The following DYNC2H1 variants were observed in gnomAD, a reference collection of about 807,000 sequenced individuals.
DYNC2H1 encodes the protein dynein cytoplasmic 2 heavy chain 1.
DYNC2H1 carries 410 observed loss-of-function variants against 570.0 expected under a neutral mutation model. The observed-to-expected ratio is 0.72, with a 90% CI of 0.66 to 0.78. The LOEUF (loss-of-function observed/expected upper bound fraction) is 0.78, where lower values mean the gene tolerates loss of function less well. DYNC2H1 is among the 30% of genes least tolerant of loss of function. The pLI is 0.00. For missense variants in DYNC2H1, 4,865 were observed against 5,046.4 expected (o/e 0.96, Z 1.09); for synonymous variants, 1,688 against 1,677.6 (o/e 1.01, Z -0.15).
At chr11:103,232,030 A>G (rs935418566) in intron 60 of DYNC2H1, among the ~76,000 whole-genome samples, 1 of 152,036 alleles carries the variant, frequency 6.6e-6, no homozygotes, top group Admixed American at 6.6e-5. Flanking sequence ...TTAGAAATAT[A>G]GGAAATAATT....
intron 82 of DYNC2H1, among the ~76,000 whole-genome samples, chr11:103,332,336 C>T (rs917208088): frequency 7.6e-6 from 1 of 132,026 alleles, no homozygotes; most frequent in Non-Finnish European, 1.6e-5. Flanking sequence ...AAAAATAGAA[C>T]AAAGCATCCA....
At chr11:103,380,906 A>G (rs1168678162) in intron 83 of DYNC2H1, among the ~76,000 whole-genome samples, 2 of 152,200 alleles carry the variant, frequency 1.3e-5, no homozygotes, top group African/African-American at 4.8e-5. Flanking sequence ...ATACCAGGGA[A>G]AAGGAAATAC....
At chr11:103,265,677 A>G (rs1330221199) in intron 70 of DYNC2H1, among the ~76,000 whole-genome samples, 1 of 152,034 alleles carries the variant, frequency 6.6e-6, no homozygotes, top group Non-Finnish European at 1.5e-5. Context: ...CTGTCATTTC[A>G]GCCATCTCAA....
chr11:103,113,476 T>C, intron 1 of DYNC2H1, 61 bp from the exon 2 acceptor site: 1 of 1,345,866 alleles, frequency 7.4e-7, no homozygotes. Context: ...GAACTTTGTC[T>C]ACATTTTTTT....
chr11:103,380,454 A>C (rs1941596448), intron 83 of DYNC2H1, among the ~76,000 whole-genome samples: 1 of 152,226 alleles, frequency 6.6e-6, no homozygotes, highest in South Asian at 2.1e-4. Context: ...CACACAAAAA[A>C]AGAGTACAGG....
At chr11:103,411,973 G>T (rs569396052) in intron 84 of DYNC2H1, among the ~76,000 whole-genome samples, 1 of 152,064 alleles carries the variant, frequency 6.6e-6, no homozygotes, top group African/African-American at 2.4e-5. Context: ...TTTAAATTCT[G>T]TCACAGGTGG....
intron 84 of DYNC2H1, chr11:103,406,973 T>C (rs1490872109): frequency 1.3e-5 from 2 of 151,896 alleles, no homozygotes; most frequent in African/African-American, 4.8e-5. Context: ...AATCGATTAA[T>C]AGTATTTATT....
At chr11:103,149,122 A>G (rs977725355) in intron 20 of DYNC2H1, among the ~76,000 whole-genome samples, 19 of 152,344 alleles carry the variant, frequency 1.2e-4, no homozygotes, top group African/African-American at 4.6e-4. Flanking sequence ...GTAATGAAAC[A>G]GTAATAGTAT....
At chr11:103,314,245 A>G (rs887291357) in intron 79 of DYNC2H1, among the ~76,000 whole-genome samples, 2 of 152,162 alleles carry the variant, frequency 1.3e-5, no homozygotes, top group Non-Finnish European at 2.9e-5. Flanking sequence ...ATACACAAAC[A>G]TATTAATTTC....
At chr11:103,140,539 C>T (rs1423919804) in intron 17 of DYNC2H1, among the ~76,000 whole-genome samples, 1 of 152,138 alleles carries the variant, frequency 6.6e-6, no homozygotes, top group Non-Finnish European at 1.5e-5. Flanking sequence ...AATATTGGCC[C>T]CCACTCTCTT....
At chr11:103,427,382 A>G (rs139241975) in intron 84 of DYNC2H1, among the ~76,000 whole-genome samples, 167 of 152,298 alleles carry the variant, frequency 1.1e-3, no homozygotes, top group African/African-American at 3.7e-3. Flanking sequence ...TACTTGCTGA[A>G]CATACTTAAT....
rs745875151 is a variant in DYNC2H1 at position 103,170,306 on chromosome 11, A to G, written c.5151+16A>G. 1.3e-6 allele frequency: 2 copies of G among 1,543,708 alleles called. No individual in the cohort carries two copies. The highest frequency in any genetic ancestry group is 1.7e-6 in the Non-Finnish European group (2 of 1,148,582). ...TTGTGATGAGGTAGAATAAATAATT[A>G]TCAAAATATGTAACAATGGGTTAAT... On this transcript the variant is annotated intron_variant, in intron 33 of 88. Transcript: ENST00000375735. The surrounding 1 kb of genome is among the most constrained non-coding windows in gnomAD (Gnocchi z 4.8).
intron 56 of DYNC2H1, 74 bp from the exon 57 acceptor site, chr11:103,220,549 A>G: frequency 7.1e-7 from 1 of 1,404,330 alleles, no homozygotes; most frequent in East Asian, 2.4e-5. Flanking sequence ...TGACAATAAA[A>G]CATAATTTTT....
Position 103,123,012 on chromosome 11 carries a change from T to C in DYNC2H1, c.1661+12T>C. ...AGATCTGGTTTGTGGTAAGTATAGA[T>C]ATATTAAACTGTAAAATCCAAAACC... On this transcript the variant is annotated intron_variant, in intron 11 of 88. Transcript: ENST00000375735. 7.4e-7 allele frequency: 1 copy of C among 1,359,742 alleles called. No individual in the cohort carries two copies. The allele number at this position is 1,359,742 out of a possible 1,614,324, so 84.2% of individuals were successfully genotyped here. A position where few individuals can be genotyped will look rare whatever the true frequency, so the allele number is the denominator to read the frequency against.
At position 103,468,703 on chromosome 11, in the gene DYNC2H1, CAGGTAATACATTTTTAA is replaced by C; in HGVS notation, c.12764_12765+15del. ...CCCTTGTTTTATGGGCTGGATTCCA[CAGGTAATACATTTTTAA>C]CAAGCACAAGTTTTAATTATATCAG... is the stretch of plus-strand genomic sequence containing the variant. On this transcript the variant is annotated splice_donor_variant and splice_donor_5th_base_variant and coding_sequence_variant and intron_variant, in exon 88 of 89. Coordinates refer to ENST00000375735, the MANE Select transcript of DYNC2H1 (RefSeq NM_001377.3). LOFTEE classifies it high-confidence loss of function. 1 of 1,602,944 alleles carries C rather than the reference CAGGTAATACATTTTTAA, an allele frequency of 6.2e-7. No individual in the cohort carries two copies. Among genetic ancestry groups the C allele is most frequent in the Non-Finnish European group, 8.5e-7 (1 of 1,171,412 alleles).
Position 103,358,195 on chromosome 11 carries a change from C to G in DYNC2H1, c.12040-48C>G, listed in dbSNP as rs117059255. 2,904 of 1,100,790 alleles carry G rather than the reference C, an allele frequency of 2.6e-3. 86 individuals are homozygous for G. In the East Asian group the frequency reaches 0.063, roughly 24 times the overall value. 68.2% of individuals were successfully genotyped at this position (1,100,790 alleles called of 1,614,324 possible). A position where few individuals can be genotyped will look rare whatever the true frequency, so the allele number is the denominator to read the frequency against. ...TGTACCTATGTTCTTTCTTCCTGTT[C>G]GGCTGAAGTTCTTTTTATTTGTTGA... On this transcript the variant is annotated intron_variant, in intron 82 of 88. Transcript: ENST00000375735.
chr11:103,389,240 G>T (rs1216353933), intron 83 of DYNC2H1, among the ~76,000 whole-genome samples: 2 of 152,184 alleles, frequency 1.3e-5, no homozygotes, highest in Non-Finnish European at 2.9e-5. Flanking sequence ...GAGGGTGTAT[G>T]TGTCGAGGAA....
intron 69 of DYNC2H1, among the ~76,000 whole-genome samples, chr11:103,259,641 T>G (rs539670896): frequency 2.0e-5 from 3 of 152,308 alleles, no homozygotes; most frequent in Admixed American, 6.5e-5. Context: ...ATTCAACTTA[T>G]ATTGTATTAT....
chr11:103,435,983 A>T lies in DYNC2H1; in HGVS notation c.12407A>T (p.Asp4136Val). Residue 4136 changes from aspartate (D) to valine (V), a missense_variant, in exon 85 of 89, where the codon GAT becomes GTT. By Grantham distance (152) the Asp-to-Val change is radical. Coordinates refer to ENST00000375735, the MANE Select transcript of DYNC2H1 (RefSeq NM_001377.3). The part of the protein sequence containing the change: ...AWQSKWEGPE[D>V]PLQYLRGLVA... The stretch of plus-strand genomic sequence containing the variant: ...CAGAGCAAGTGGGAAGGCCCAGAAG[A>T]TCCCTTACAATACCTGAGAGGTCTT... 1 of 1,612,678 alleles carries T rather than the reference A, an allele frequency of 6.2e-7. No homozygotes were observed. Among genetic ancestry groups the T allele is most frequent in the South Asian group, 1.1e-5 (1 of 91,048 alleles).
Sources: gnomAD v4.1 joint callset for allele counts (sites outside exome capture counted in the v4.1 genomes callset) on GRCh38, gnomAD v4.1.1 for gene constraint, Gnocchi (gnomAD v3.1) non-coding constraint, MANE v1.5 for transcripts, NCBI Gene and HGNC (gene_info 2026-07-23, HGNC 2026-07-21) for gene names.